NRXN1: variants seen among roughly 807,000 people sequenced by gnomAD.
NRXN1 encodes neurexin-1.
NRXN1 carries 39 observed loss-of-function variants against 150.9 expected under a neutral mutation model. The observed-to-expected ratio is 0.26, with a 90% confidence interval of 0.20 to 0.34. The LOEUF is 0.34. Ranked by LOEUF, NRXN1 falls within the 10% of genes least tolerant of loss-of-function variation. NRXN1 has a pLI of 1.00. For synonymous variants in NRXN1, 924 were observed against 757.0 expected, an observed-to-expected ratio of 1.22 and a Z score of -3.62; for missense variants, 1,815 against 1,949.9, an observed-to-expected ratio of 0.93 and a Z score of 1.30.
At position 50,520,463 on chromosome 2, in the gene NRXN1, G is replaced by GA. The variant is rs1351391959; in HGVS notation, c.2374+8161dup. Among the ~76,000 whole-genome samples the GA allele has an allele frequency of 2.4e-4, 35 of 148,820 alleles. No homozygotes were observed. The East Asian group carries it at 4.3e-3, about 18-fold the overall frequency. On this transcript the variant is annotated intron_variant, in intron 12 of 22. Coordinates refer to ENST00000401669, the MANE Select transcript of NRXN1 (RefSeq NM_001330078.2). ...TTGTAGAAATTATAGATGATGAATA[G>GA]AAAAAAAAACTAAAAATTACCTCAA...
At chr2:50,964,297 T>C (rs889679405) in intron 2 of NRXN1, among the ~76,000 whole-genome samples, 5 of 151,518 alleles carry the variant, frequency 3.3e-5, no homozygotes, top group African/African-American at 4.8e-5. Flanking sequence ...TATGACCGTT[T>C]TCAAAATGAA....
At chr2:50,374,742 A>G (rs1204241729) in intron 17 of NRXN1, among the ~76,000 whole-genome samples, 1 of 152,218 alleles carries the variant, frequency 6.6e-6, no homozygotes, top group African/African-American at 2.4e-5. Flanking sequence ...TATCTAATAT[A>G]GAATTAAGAA....
chr2:49,983,288 G>C (rs1680293259), intron 21 of NRXN1, among the ~76,000 whole-genome samples: 1 of 152,150 alleles, frequency 6.6e-6, no homozygotes, highest in Non-Finnish European at 1.5e-5. Context: ...CTAGCACAGG[G>C]GCTGGTTATA....
intron 5 of NRXN1, among the ~76,000 whole-genome samples, chr2:50,883,143 C>G (rs1240743182): frequency 1.3e-5 from 2 of 151,706 alleles, no homozygotes; most frequent in African/African-American, 4.8e-5. Context: ...AAAGTCTTGA[C>G]CTTTGTTTTG....
intron 3 of NRXN1, chr2:50,923,370 T>A (rs746808695): frequency 7.1e-6 from 2 of 283,214 alleles, no homozygotes; most frequent in Non-Finnish European, 7.6e-6. Context: ...CAAAATTATT[T>A]GAGATTTCAC....
At chr2:49,966,230 A>G (rs999445318) in intron 21 of NRXN1, among the ~76,000 whole-genome samples, 4 of 152,114 alleles carry the variant, frequency 2.6e-5, no homozygotes, top group South Asian at 2.1e-4. Flanking sequence ...TACAACACTG[A>G]GAAAACTTCC....
At chr2:50,157,605 C>T (rs1041824570) in intron 18 of NRXN1, among the ~76,000 whole-genome samples, 6 of 151,752 alleles carry the variant, frequency 4.0e-5, no homozygotes, top group Admixed American at 2.0e-4. Flanking sequence ...TTTCAAGGTA[C>T]GAACATGACA....
intron 18 of NRXN1, among the ~76,000 whole-genome samples, chr2:50,172,674 T>C (rs2060103662): frequency 6.6e-6 from 1 of 152,162 alleles, no homozygotes; most frequent in Non-Finnish European, 1.5e-5. Context: ...CTGAAGAAAT[T>C]ACTTGCCTCC....
chr2:50,620,223 G>A lies in NRXN1; in HGVS notation c.1159-40C>T, dbSNP rs764621842. ...ACAGGGAAAGGACACGCTATACTCA[G>A]ACCTAGATACTGTAATCCTGGGATA... On this transcript the variant is annotated intron_variant, in intron 7 of 22. Transcript: ENST00000401669. The A allele has an allele frequency of 8.1e-6, 13 of 1,595,254 alleles. No individual in the cohort carries two copies. The African/African-American group carries it at 1.5e-4, about 18-fold the overall frequency.
At chr2:50,993,610 G>A (rs982501456) in intron 2 of NRXN1, among the ~76,000 whole-genome samples, 3 of 151,778 alleles carry the variant, frequency 2.0e-5, no homozygotes, top group African/African-American at 7.3e-5. Flanking sequence ...TAAAAGTTGC[G>A]AGGACACCAA....
intron 8 of NRXN1, among the ~76,000 whole-genome samples, chr2:50,594,144 T>C (rs1370491052): frequency 2.0e-5 from 3 of 152,230 alleles, no homozygotes; most frequent in Non-Finnish European, 4.4e-5. Context: ...TAAACCTCTT[T>C]CCTTCATAAA....
intron 5 of NRXN1, chr2:50,656,564 T>C: frequency 1.7e-6 from 1 of 575,128 alleles, no homozygotes. Context: ...AAAAGAATGG[T>C]TAAATGTATT....
chr2:50,187,439 T>G (rs1301517784), intron 18 of NRXN1, among the ~76,000 whole-genome samples: 1 of 152,112 alleles, frequency 6.6e-6, no homozygotes, highest in African/African-American at 2.4e-5. Flanking sequence ...ATGAATAACA[T>G]TCTTTTATTA....
At chr2:50,185,376 A>C (rs1262291971) in intron 18 of NRXN1, among the ~76,000 whole-genome samples, 1 of 152,002 alleles carries the variant, frequency 6.6e-6, no homozygotes, top group African/African-American at 2.4e-5. Flanking sequence ...CTATTACCAT[A>C]TTTGTATTGT....
chr2:50,951,869 CTA>C (rs1438590137), intron 2 of NRXN1, among the ~76,000 whole-genome samples: 1 of 145,636 alleles, frequency 6.9e-6, no homozygotes, highest in Non-Finnish European at 1.5e-5. Flanking sequence ...GTTATATAAT[CTA>C]TGTTATCTAT....
intron 5 of NRXN1, among the ~76,000 whole-genome samples, chr2:50,911,866 A>C (rs908079508): frequency 1.3e-5 from 2 of 151,928 alleles, no homozygotes; most frequent in African/African-American, 4.8e-5. Context: ...CTTTACAACA[A>C]GATTTGAAAG....
At chr2:50,796,652 G>A (rs1166703119) in intron 5 of NRXN1, among the ~76,000 whole-genome samples, 1 of 152,158 alleles carries the variant, frequency 6.6e-6, no homozygotes, top group African/African-American at 2.4e-5. Flanking sequence ...TTCTGTGAAG[G>A]TGCCAAGGCA....
chr2:50,458,218 G>A (rs1294892083), intron 17 of NRXN1, among the ~76,000 whole-genome samples: 3 of 152,182 alleles, frequency 2.0e-5, no homozygotes, highest in East Asian at 1.9e-4. Flanking sequence ...TCATATGTGC[G>A]AGCTAGTAAA....
At chr2:49,943,909 C>T in intron 21 of NRXN1, 118 bp from the exon 22 acceptor site, 1 of 777,460 alleles carries the variant, frequency 1.3e-6, no homozygotes, top group Non-Finnish European at 2.2e-6. Flanking sequence ...TCACTATTTC[C>T]CTTTCTAAAG....
Sources: allele counts gnomAD v4.1 joint callset (sites outside exome capture counted in the v4.1 genomes callset), GRCh38; gene constraint gnomAD v4.1.1; transcripts MANE v1.5; gene names NCBI Gene and HGNC (gene_info 2026-07-23, HGNC 2026-07-21).